Variants in PLEKHG4 observed in about 807,000 individuals in gnomAD.
The protein encoded by PLEKHG4 is pleckstrin homology and RhoGEF domain containing G4, also known as puratrophin-1.
A neutral mutation model predicts 136.9 loss-of-function variants in PLEKHG4; 85 were observed. That is an observed-to-expected ratio of 0.62 (90% CI 0.52 to 0.74). The LOEUF (loss-of-function observed/expected upper bound fraction) is 0.74, where lower values mean the gene tolerates loss of function less well. PLEKHG4 is among the 30% of genes least tolerant of loss of function. PLEKHG4 has a pLI of 0.00. For missense variants in PLEKHG4, 1,317 were observed against 1,527.8 expected, an observed-to-expected ratio of 0.86 and a Z score of 2.30; for synonymous variants, 577 against 646.9, an observed-to-expected ratio of 0.89 and a Z score of 1.64.
chr16:67,279,958 T>C lies in PLEKHG4; in HGVS notation c.-87T>C. On this transcript the variant is annotated 5_prime_UTR_variant, in exon 2 of 22. Transcript: ENST00000379344. ...CCCTTCGCCTGCATTGCCCACTGAG[T>C]CCCACTCGACTGTCTTCAGCGCGGT... The C allele has an allele frequency of 7.2e-7, 1 of 1,387,432 alleles. No homozygotes were observed. Among genetic ancestry groups the C allele is most frequent in the South Asian group, 1.3e-5 (1 of 76,056 alleles). The allele number at this position is 1,387,432 out of a possible 1,614,324, so 85.9% of individuals were successfully genotyped here. A position where few individuals can be genotyped will look rare whatever the true frequency, so the allele number is the denominator to read the frequency against.
rs1232837391 is a variant in PLEKHG4 at position 67,282,347 on chromosome 16, C to T, written c.1251C>T (p.Tyr417=). Residue 417 remains tyrosine (Y), a splice_region_variant and synonymous_variant, in exon 9 of 22, where the codon TAC becomes TAT. Transcript: ENST00000379344. ...CAGAGGTGACCCTGAGCCCAGACTA[C>T]AGGTGAGTGCAAGCCCGGCCCCCAG... ...EVPEVTLSPD[Y]RTAMDKADEL... 3.1e-6 allele frequency: 5 copies of T among 1,612,104 alleles called. No homozygotes were observed. Among genetic ancestry groups the T allele is most frequent in the African/African-American group, 1.3e-5 (1 of 74,876 alleles).
chr16:67,280,165 A>C lies in PLEKHG4; in HGVS notation c.121A>C (p.Met41Leu), dbSNP rs764006402. The C allele has an allele frequency of 6.2e-7, 1 of 1,613,878 alleles. No homozygotes were observed. Among genetic ancestry groups the C allele is most frequent in the Non-Finnish European group, 8.5e-7 (1 of 1,179,970 alleles). The change falls in exon 2 of 22, where the codon ATG becomes CTG. Residue 41 changes from methionine (M) to leucine (L), a missense_variant. Met to Leu is a conservative substitution (Grantham distance 15). Transcript: ENST00000379344. This position sits in a 1 kb window ranked among gnomAD's most constrained non-coding sequence, Gnocchi z 4.4. ...GGAAGAGGAGGAACCTGCTTCCCAG[A>C]TGCACGTTAAGGACCCAGGTCCTCC... ...AWEEEEPASQMHVKDPGPPRP... is the reference protein window; with the variant it reads ...AWEEEEPASQLHVKDPGPPRP...
chr16:67,282,845 A>C lies in PLEKHG4; in HGVS notation c.1496A>C (p.Tyr499Ser). The stretch of plus-strand genomic sequence containing the variant: ...GCCCAAGGCTCTTTTCAGGAGCTGT[A>C]CCAGGTTGCCCAGGTATATGTGGTC... ...LQAQGSFQEL[Y>S]QVAQEQVRQG... Residue 499 changes from tyrosine (Y) to serine (S), a missense_variant, in exon 11 of 22, where the codon TAC (tyrosine) becomes TCC (serine). Coordinates refer to ENST00000379344, the MANE Select transcript of PLEKHG4 (RefSeq NM_001129729.3). 1 of 1,613,082 alleles carries C rather than the reference A, an allele frequency of 6.2e-7. No homozygotes were observed. The highest frequency in any genetic ancestry group is 8.5e-7 in the Non-Finnish European group (1 of 1,179,752).
rs1187118047 is a variant in PLEKHG4, at chr16:67,279,998, A to T, written c.-47A>T. The T allele has an allele frequency of 5.0e-6, 8 of 1,596,528 alleles. No individual in the cohort carries two copies. The highest frequency in any genetic ancestry group is 6.8e-6 in the Non-Finnish European group (8 of 1,170,726). The stretch of plus-strand genomic sequence containing the variant: ...TTCAGCGCGGTTCACACTGAGACCC[A>T]GCCCTCTCCCGCTGGCCCCGAGCAG... On this transcript the variant is annotated 5_prime_UTR_variant, in exon 2 of 22. Coordinates refer to ENST00000379344, the MANE Select transcript of PLEKHG4 (RefSeq NM_001129729.3).
intron 18 of PLEKHG4, chr16:67,287,430 C>T (rs1567442014): frequency 7.0e-6 from 4 of 571,132 alleles, no homozygotes; most frequent in South Asian, 2.0e-5. Flanking sequence ...GACAGGGTCT[C>T]GCTCTGTCGC....
chr16:67,286,353 C>T lies in PLEKHG4; in HGVS notation c.2522C>T (p.Thr841Ile), dbSNP rs762725014. Residue 841 changes from threonine to isoleucine, a missense_variant, in exon 15 of 22, where the codon ACC becomes ATC. Transcript: ENST00000379344. ...SDALMSSYGHTFFKDKQQALG... is the reference protein window; with the variant it reads ...SDALMSSYGHIFFKDKQQALG... Reference sequence around the variant, plus strand: ...GCCCTGATGTCAAGCTATGGGCACACCTTCTTCAAGGTAAGTGAACCTGAG... The same window carrying T: ...GCCCTGATGTCAAGCTATGGGCACATCTTCTTCAAGGTAAGTGAACCTGAG... 1 of 1,613,456 alleles carries T rather than the reference C, an allele frequency of 6.2e-7. No individual in the cohort carries two copies. Among genetic ancestry groups the T allele is most frequent in the Non-Finnish European group, 8.5e-7 (1 of 1,179,366 alleles).
Position 67,288,607 on chromosome 16 carries a change from G to A in PLEKHG4, c.3570+3G>A. ...GGGGCCTGGAGGACTTACCCTGTGT[G>A]AGTGCCATTTGCCCTATACCCACCA... On this transcript the variant is annotated splice_donor_region_variant and intron_variant, in intron 21 of 21. Transcript: ENST00000379344. 6.2e-7 allele frequency: 1 copy of A among 1,614,082 alleles called. No individual in the cohort carries two copies. Among genetic ancestry groups the A allele is most frequent in the Non-Finnish European group, 8.5e-7 (1 of 1,179,936 alleles).
chr16:67,282,618 G>A lies in PLEKHG4; in HGVS notation c.1369G>A (p.Ala457Thr), dbSNP rs2036286358. Residue 457 changes from alanine (A) to threonine (T), a missense_variant, in exon 10 of 22, where the codon GCC (alanine) becomes ACC (threonine). Transcript: ENST00000379344. ...QALELVQTLEARESGLHQIEV... is the reference protein window; with the variant it reads ...QALELVQTLETRESGLHQIEV... ...CCTAGAGTTGGTCCAAACACTGGAG[G>A]CCCGGGAAAGCGGACTGCACCAGGT... is the stretch of plus-strand genomic sequence containing the variant. The A allele has an allele frequency of 6.2e-7, 1 of 1,613,960 alleles. No homozygotes were observed. Among genetic ancestry groups the A allele is most frequent in the South Asian group, 1.1e-5 (1 of 91,092 alleles).
Position 67,285,425 on chromosome 16 carries a change from C to T in PLEKHG4, c.2331C>T (p.His777=). ...AGGGCCTCCGCGGTCAGCGTGCCCA[C>T]CTCTTTGGCAACCTGGAGAAGCTGC... is the stretch of plus-strand genomic sequence containing the variant. The part of the protein sequence containing the change: ...VPQGLRGQRA[H]LFGNLEKLRD... The change falls in exon 14 of 22, where the codon CAC becomes CAT. Residue 777 remains histidine (H), a synonymous_variant. Coordinates refer to ENST00000379344, the MANE Select transcript of PLEKHG4 (RefSeq NM_001129729.3). 1.2e-6 allele frequency: 2 copies of T among 1,614,236 alleles called. No individual in the cohort carries two copies. The highest frequency in any genetic ancestry group is 1.7e-5 in the Admixed American group (1 of 60,038).
Position 67,281,869 on chromosome 16 carries a change from C to A in PLEKHG4, c.1005+32C>A, listed in dbSNP as rs373726996. ...ACACTGGGTGGGGCATGGGGGCAGT[C>A]ATATAGGCAACTTGGGATCATGGAG... On this transcript the variant is annotated intron_variant, in intron 7 of 21. Coordinates refer to ENST00000379344, the MANE Select transcript of PLEKHG4 (RefSeq NM_001129729.3). 6.3e-6 allele frequency: 10 copies of A among 1,581,332 alleles called. No individual in the cohort carries two copies. In the African/African-American group the frequency reaches 1.3e-4, roughly 21 times the overall value.
At position 67,284,259 on chromosome 16, in the gene PLEKHG4, G is replaced by C. The variant is rs1276330473; in HGVS notation, c.1510-16G>C. ...GCCAGGCCTGGGCTGGCTGAGCCTA[G>C]TCTCTGTCTCTGCAGGAGCAGGTCA... On this transcript the variant is annotated splice_polypyrimidine_tract_variant and intron_variant, in intron 11 of 21. Transcript: ENST00000379344. The surrounding 1 kb of genome is among the most constrained non-coding windows in gnomAD (Gnocchi z 4.4). The C allele has an allele frequency of 1.2e-6, 2 of 1,612,470 alleles. No individual in the cohort carries two copies. The highest frequency in any genetic ancestry group is 1.7e-6 in the Non-Finnish European group (2 of 1,179,142).
intron 18 of PLEKHG4, 73 bp from the exon 19 acceptor site, chr16:67,287,825 T>C (rs1163185530): frequency 5.2e-6 from 5 of 954,988 alleles, no homozygotes; most frequent in African/African-American, 1.6e-5. Flanking sequence ...GAAAGACTTA[T>C]CTGGGGGGTG....
At position 67,284,891 on chromosome 16, in the gene PLEKHG4, A is replaced by G; in HGVS notation, c.1871A>G (p.Glu624Gly). Residue 624 changes from glutamate to glycine, a missense_variant, in exon 13 of 22, where the codon GAG becomes GGG. Physicochemically the swap from Glu to Gly is moderately conservative, Grantham distance 98 (BLOSUM62 -2). Transcript: ENST00000379344. The surrounding 1 kb of genome is among the most constrained non-coding windows in gnomAD (Gnocchi z 4.4). ...CTGGGCTCAGAGGCCATCCGCCAGG[A>G]GTGCCGCTGGGCCTGGGCGCGGTGC... ...TGLGSEAIRQ[E>G]CRWAWARCQD... The G allele has an allele frequency of 6.2e-7, 1 of 1,612,754 alleles. No homozygotes were observed. Among genetic ancestry groups the G allele is most frequent in the Non-Finnish European group, 8.5e-7 (1 of 1,179,782 alleles).
Position 67,280,079 on chromosome 16 carries a change from C to G in PLEKHG4, c.35C>G (p.Pro12Arg). ...CCCCTGGAGAATGGGGATGAGTCCC[C>G]AGACTCTCAGGGCCATGCCACCGAC... ...ERPLENGDESPDSQGHATDWR... is the reference protein window; with the variant it reads ...ERPLENGDESRDSQGHATDWR... The change falls in exon 2 of 22, where the codon CCA becomes CGA. Residue 12 changes from proline to arginine, a missense_variant. Transcript: ENST00000379344. The surrounding 1 kb of genome is among the most constrained non-coding windows in gnomAD (Gnocchi z 4.4). 1 of 1,613,714 alleles carries G rather than the reference C, an allele frequency of 6.2e-7. No individual in the cohort carries two copies. Among genetic ancestry groups the G allele is most frequent in the Non-Finnish European group, 8.5e-7 (1 of 1,179,946 alleles).
Position 67,282,630 on chromosome 16 carries a change from G to C in PLEKHG4, c.1381G>C (p.Gly461Arg), listed in dbSNP as rs193198236. 6.2e-7 allele frequency: 1 copy of C among 1,613,870 alleles called. No homozygotes were observed. The change falls in exon 10 of 22, where the codon GGA becomes CGA. Residue 461 changes from glycine (G) to arginine (R), a missense_variant. Transcript: ENST00000379344. ...CCAAACACTGGAGGCCCGGGAAAGC[G>C]GACTGCACCAGGTCGGAACTACTTG... ...LVQTLEARES[G>R]LHQIEVWLQQ...
Position 67,281,097 on chromosome 16 carries a change from A to G in PLEKHG4, c.726A>G (p.Glu242=), listed in dbSNP as rs968828956. 1 of 1,614,142 alleles carries G rather than the reference A, an allele frequency of 6.2e-7. No individual in the cohort carries two copies. Among genetic ancestry groups the G allele is most frequent in the African/African-American group, 1.3e-5 (1 of 75,036 alleles). Residue 242 remains glutamate, a synonymous_variant, in exon 5 of 22, where the codon GAA becomes GAG. Coordinates refer to ENST00000379344, the MANE Select transcript of PLEKHG4 (RefSeq NM_001129729.3). ...LLYLRSIPRP[E]VQALGLTVLV... is the part of the protein sequence containing the mutation. ...CTGAAGCTCACCCCTTTAGGCCCGA[A>G]GTACAGGCACTGGGACTGACAGTGC...
chr16:67,282,861 A>G lies in PLEKHG4; in HGVS notation c.1509+3A>G. ...AGGAGCTGTACCAGGTTGCCCAGGT[A>G]TATGTGGTCACTTGTTCATGCCACG... On this transcript the variant is annotated splice_donor_region_variant and intron_variant, in intron 11 of 21. Coordinates refer to ENST00000379344, the MANE Select transcript of PLEKHG4 (RefSeq NM_001129729.3). The G allele has an allele frequency of 3.7e-6, 6 of 1,606,484 alleles. No individual in the cohort carries two copies. The highest frequency in any genetic ancestry group is 5.1e-6 in the Non-Finnish European group (6 of 1,173,908).
chr16:67,284,462 G>T lies in PLEKHG4; in HGVS notation c.1692+5G>T, dbSNP rs2036371596. The stretch of plus-strand genomic sequence containing the variant: ...CTGTTTCAGCTCTTCAGGGAGGTGG[G>T]TGAGAGTCTCCCCAGCTCCAAGTGA... On this transcript the variant is annotated splice_donor_5th_base_variant and intron_variant, in intron 12 of 21. Coordinates refer to ENST00000379344, the MANE Select transcript of PLEKHG4 (RefSeq NM_001129729.3). This position sits in a 1 kb window ranked among gnomAD's most constrained non-coding sequence, Gnocchi z 4.4. 6.2e-7 allele frequency: 1 copy of T among 1,613,504 alleles called. No individual in the cohort carries two copies. Among genetic ancestry groups the T allele is most frequent in the East Asian group, 2.2e-5 (1 of 44,864 alleles).
At position 67,284,118 on chromosome 16, in the gene PLEKHG4, G is replaced by A. The variant is rs1157694189; in HGVS notation, c.1510-157G>A. Among the ~76,000 whole-genome samples, 3 of 152,274 alleles carry A rather than the reference G, an allele frequency of 2.0e-5. No individual in the cohort carries two copies. Among genetic ancestry groups the A allele is most frequent in the East Asian group, 3.9e-4 (2 of 5,178 alleles). ...CTCTAGGAACTTTGGCTGTGGAGAA[G>A]GGGAGTGGATGTGGGTGGGGAGTAG... On this transcript the variant is annotated intron_variant, in intron 11 of 21. Transcript: ENST00000379344. The surrounding 1 kb of genome is among the most constrained non-coding windows in gnomAD (Gnocchi z 4.4).
Sources: gnomAD v4.1 joint callset for allele counts (sites outside exome capture counted in the v4.1 genomes callset) on GRCh38, gnomAD v4.1.1 for gene constraint, Gnocchi (gnomAD v3.1) non-coding constraint, MANE v1.5 for transcripts, NCBI Gene and HGNC (gene_info 2026-07-23, HGNC 2026-07-21) for gene names.